The following PANK2 variants were observed in gnomAD, a reference collection of about 807,000 sequenced individuals.
PANK2 encodes pantothenate kinase 2, mitochondrial.
In PANK2, 36 loss-of-function variants were observed where a neutral mutation model predicts 43.1. The observed-to-expected ratio is 0.84, with a 90% CI of 0.64 to 1.10. The LOEUF (loss-of-function observed/expected upper bound fraction) is 1.10, where lower values mean the gene tolerates loss of function less well. Ranked by LOEUF, PANK2 falls within the 50% of genes least tolerant of loss-of-function variation. The probability of loss-of-function intolerance (pLI) is 0.00; values close to 1 mark genes in which losing one functional copy is unlikely to be tolerated. For synonymous variants in PANK2, 281 were observed against 238.2 expected, an observed-to-expected ratio of 1.18 and a Z score of -1.66; for missense variants, 576 against 593.3, an observed-to-expected ratio of 0.97 and a Z score of 0.30.
At position 3,928,542 on chromosome 20, in the gene PANK2, G is replaced by A. The variant is rs777362761; in HGVS notation, c.*5248G>A. ...GGAGGTCAAGGCAGGTGCATCACGA[G>A]GTCAGGAGATCGAGACCATCCTGGC... is the stretch of plus-strand genomic sequence containing the variant. On this transcript the variant is annotated 3_prime_UTR_variant, in exon 7 of 7. Coordinates refer to ENST00000610179, the MANE Select transcript of PANK2 (RefSeq NM_001386393.1). 1 of 152,152 alleles carries A rather than the reference G, an allele frequency of 6.6e-6. No homozygotes were observed. The highest frequency in any genetic ancestry group is 1.5e-5 in the Non-Finnish European group (1 of 68,124). 9.4% of individuals were successfully genotyped at this position (152,152 alleles called of 1,614,324 possible).
intron 1 of PANK2, among the ~76,000 whole-genome samples, chr20:3,896,229 A>AT (rs35978823): frequency 0.014 from 1,602 of 111,922 alleles, 20 homozygotes; most frequent in African/African-American, 0.036. Flanking sequence ...CGCCTGGCTA[A>AT]TTTTTTTTTT....
At chr20:3,916,785 T>A in intron 4 of PANK2, 142 bp from the exon 5 acceptor site, 4 of 1,201,850 alleles carry the variant, frequency 3.3e-6, no homozygotes, top group South Asian at 1.3e-5. Flanking sequence ...TTTGAACAGA[T>A]GCTCCATTGC....
Position 3,920,529 on chromosome 20 carries a change from AAAC to A in PANK2, c.1332+1745_1332+1747del, listed in dbSNP as rs368099328. On this transcript the variant is annotated intron_variant, in intron 6 of 6. Coordinates refer to ENST00000610179, the MANE Select transcript of PANK2 (RefSeq NM_001386393.1). ...GAGACTCTGTCTCAAAAACAAAAAC[AAAC>A]AACAACAACAAAACAAACAAAAACA... 7.1e-3 allele frequency among the ~76,000 whole-genome samples: 1,055 copies of A among 149,324 alleles called. 14 individuals are homozygous for A. The highest frequency in any genetic ancestry group is 0.025 in the African/African-American group (996 of 40,476).
Position 3,908,224 on chromosome 20 carries a change from T to A in PANK2, c.597T>A (p.Thr199=). The change falls in exon 2 of 7, where the codon ACT becomes ACA. Residue 199 remains threonine (T), a synonymous_variant. Coordinates refer to ENST00000610179, the MANE Select transcript of PANK2 (RefSeq NM_001386393.1). ...ATAAAAACTTCTCGAGTCTCCACACTGTCTTTTGTGCCACTGGAGGTGGAG... is the reference window on the plus strand; with the variant it reads ...ATAAAAACTTCTCGAGTCTCCACACAGTCTTTTGTGCCACTGGAGGTGGAG... 6.2e-7 allele frequency: 1 copy of A among 1,613,130 alleles called. No homozygotes were observed. Among genetic ancestry groups the A allele is most frequent in the East Asian group, 2.2e-5 (1 of 44,894 alleles).
At chr20:3,912,992 A>G (rs536801297) in intron 4 of PANK2, among the ~76,000 whole-genome samples, 1 of 151,912 alleles carries the variant, frequency 6.6e-6, no homozygotes, top group Non-Finnish European at 1.5e-5. Context: ...TTTTTAAAAA[A>G]GCTCTATTGA....
intron 1 of PANK2, among the ~76,000 whole-genome samples, chr20:3,903,965 C>G (rs1165380241): frequency 6.6e-6 from 1 of 151,718 alleles, no homozygotes. Flanking sequence ...TTAGTACATA[C>G]GTACATACTT....
At chr20:3,915,087 C>T (rs1051147640) in intron 4 of PANK2, among the ~76,000 whole-genome samples, 2 of 152,170 alleles carry the variant, frequency 1.3e-5, no homozygotes, top group Non-Finnish European at 2.9e-5. Context: ...GTTGTCTTTT[C>T]ACTTCCTTGA....
At chr20:3,895,897 G>A (rs1189502734) in intron 1 of PANK2, among the ~76,000 whole-genome samples, 1 of 152,002 alleles carries the variant, frequency 6.6e-6, no homozygotes, top group Non-Finnish European at 1.5e-5. Flanking sequence ...ACTATTTTGG[G>A]AATAAGAATA....
chr20:3,897,017 C>G (rs934537474), intron 1 of PANK2, among the ~76,000 whole-genome samples: 6 of 152,092 alleles, frequency 3.9e-5, no homozygotes, highest in Admixed American at 3.9e-4. Context: ...GGACTTAGCC[C>G]TCGACCTGTG....
Position 3,892,485 on chromosome 20 carries a change from A to G in PANK2, c.298+2757A>G, listed in dbSNP as rs1342035355. On this transcript the variant is annotated intron_variant, in intron 1 of 6. Transcript: ENST00000610179. ...GGAGGTTTGGGTATGGAATGGTGCC[A>G]CCTTTCTGGTGAAACCCTATCTCTA... is the stretch of plus-strand genomic sequence containing the variant. Among the ~76,000 whole-genome samples the G allele has an allele frequency of 2.0e-5, 3 of 151,844 alleles. No homozygotes were observed. In the East Asian group the frequency reaches 5.8e-4, roughly 29 times the overall value.
chr20:3,918,971 C>T (rs1407321900), intron 6 of PANK2, among the ~76,000 whole-genome samples, 175 bp downstream of exon 6: 2 of 152,132 alleles, frequency 1.3e-5, no homozygotes, highest in East Asian at 3.9e-4. Flanking sequence ...GTGGCACAGT[C>T]TTGGGGCTCA....
chr20:3,912,686 T>C (rs759402401), intron 4 of PANK2, 52 bp downstream of exon 4: 1 of 1,601,776 alleles, frequency 6.2e-7, no homozygotes, highest in Admixed American at 1.7e-5. Flanking sequence ...GCGCGGTGGC[T>C]CATGCCTTTA....
chr20:3,896,626 A>T (rs2090213639), intron 1 of PANK2, among the ~76,000 whole-genome samples: 1 of 151,996 alleles, frequency 6.6e-6, no homozygotes, highest in African/African-American at 2.4e-5. Context: ...CTTGAAGGTT[A>T]AGTTGATCAC....
chr20:3,908,239 T>C lies in PANK2; in HGVS notation c.612T>C (p.Thr204=). The change falls in exon 2 of 7, where the codon ACT becomes ACC. Residue 204 remains threonine, a synonymous_variant. Coordinates refer to ENST00000610179, the MANE Select transcript of PANK2 (RefSeq NM_001386393.1). ...GTCTCCACACTGTCTTTTGTGCCACTGGAGGTGGAGCGTACAAATTTGAGC... is the reference window on the plus strand; with the variant it reads ...GTCTCCACACTGTCTTTTGTGCCACCGGAGGTGGAGCGTACAAATTTGAGC... The C allele has an allele frequency of 6.2e-7, 1 of 1,611,850 alleles. No homozygotes were observed. The highest frequency in any genetic ancestry group is 8.5e-7 in the Non-Finnish European group (1 of 1,179,980).
intron 5 of PANK2, among the ~76,000 whole-genome samples, chr20:3,918,323 C>G (rs762420016): frequency 6.6e-6 from 1 of 151,684 alleles, no homozygotes; most frequent in Non-Finnish European, 1.5e-5. Context: ...GTATACTTTG[C>G]CTGTTTGTGT....
At chr20:3,895,339 G>A (rs1600496019) in intron 1 of PANK2, among the ~76,000 whole-genome samples, 1 of 151,840 alleles carries the variant, frequency 6.6e-6, no homozygotes, top group Non-Finnish European at 1.5e-5. Context: ...GTGGCACATG[G>A]TCGTAGTCCC....
rs754521581 is a variant in PANK2, at chr20:3,910,665, G to C, written c.740G>C (p.Arg247Pro). 8 of 1,614,102 alleles carry C rather than the reference G, an allele frequency of 5.0e-6. No homozygotes were observed. The Admixed American group carries it at 6.7e-5, about 13-fold the overall frequency. The change falls in exon 3 of 7, where the codon CGG becomes CCG. Residue 247 changes from arginine to proline, a missense_variant. Transcript: ENST00000610179. ...ATTGACTCAGTCGGATTCAATGGAC[G>C]GTCACAGTGCTATTACTTTGAAAAC...
At chr20:3,901,736 C>A in intron 1 of PANK2, 1 of 337,150 alleles carries the variant, frequency 3.0e-6, no homozygotes, top group South Asian at 1.2e-4. Context: ...AAAATTATGG[C>A]ATTCATCTAC....
Position 3,914,612 on chromosome 20 carries a change from G to T in PANK2, c.1082+1978G>T, listed in dbSNP as rs1165690531. On this transcript the variant is annotated intron_variant, in intron 4 of 6. Transcript: ENST00000610179. ...TCACTCCTGGCTGAACATTTTTTTT[G>T]TGTGTGTGGCAGGGTCTCTCTCTGT... Among the ~76,000 whole-genome samples, 4 of 147,944 alleles carry T rather than the reference G, an allele frequency of 2.7e-5. 1 individual carries two copies. The highest frequency in any genetic ancestry group is 6.0e-5 in the Non-Finnish European group (4 of 66,806).
Sources: gnomAD v4.1 joint callset for allele counts (sites outside exome capture counted in the v4.1 genomes callset) on GRCh38, gnomAD v4.1.1 for gene constraint, MANE v1.5 for transcripts, NCBI Gene and HGNC (gene_info 2026-07-23, HGNC 2026-07-21) for gene names.